Variants in RACGAP1 observed in about 807,000 individuals in gnomAD.
RACGAP1 encodes the protein Rac GTPase activating protein 1, also known as rac GTPase-activating protein 1.
A neutral mutation model predicts 78.1 loss-of-function variants in RACGAP1; 30 were observed. The observed-to-expected ratio is 0.38, with a 90% CI of 0.29 to 0.52. The LOEUF (loss-of-function observed/expected upper bound fraction) is 0.52, where lower values mean the gene tolerates loss of function less well. RACGAP1 is among the 20% of genes least tolerant of loss of function. RACGAP1 has a pLI of 0.82. For missense variants in RACGAP1, 587 were observed against 777.1 expected (o/e 0.76, Z 2.91); for synonymous variants, 231 against 264.8 (o/e 0.87, Z 1.24).
At chr12:50,031,609 C>A in intron 2 of RACGAP1, 1 of 863,964 alleles carries the variant, frequency 1.2e-6, no homozygotes, top group Non-Finnish European at 1.4e-6. Flanking sequence ...CCATTTCCAC[C>A]TGGGGCCTTC....
At chr12:50,018,552 T>G in intron 1 of RACGAP1, 1 of 1,288,874 alleles carries the variant, frequency 7.8e-7, no homozygotes, top group Non-Finnish European at 1.0e-6. Flanking sequence ...GGCAGGACAT[T>G]GGGTAGTCAA....
At chr12:49,990,413 A>C in intron 16 of RACGAP1, 70 bp from the exon 17 acceptor site, 1 of 1,319,250 alleles carries the variant, frequency 7.6e-7, no homozygotes, top group Non-Finnish European at 1.1e-6. Context: ...CTATAATATT[A>C]CTTGATATAA....
In RACGAP1 at chr12:49,992,258, T is replaced by C; in HGVS notation, c.1565A>G (p.Lys522Arg). 1 of 1,614,166 alleles carries C rather than the reference T, an allele frequency of 6.2e-7. No individual in the cohort carries two copies. ...PDPVTMLQDI[K>R]RQPKVVERLL... The stretch of plus-strand genomic sequence containing the variant: ...GCACCTGCCTACCTTGGGTTGACGC[T>C]TGATGTCCTGTAACATTGTCACTGG... The change falls in exon 14 of 17, where the codon AAG becomes AGG. Residue 522 changes from lysine (K) to arginine (R), a missense_variant. Transcript: ENST00000312377.
At chr12:50,019,491 T>G (rs912272247) in intron 1 of RACGAP1, among the ~76,000 whole-genome samples, 1 of 152,208 alleles carries the variant, frequency 6.6e-6, no homozygotes, top group Non-Finnish European at 1.5e-5. Context: ...TCAAAAGAAT[T>G]TCCATTCTAC....
chr12:50,010,558 A>C (rs1363386078), intron 2 of RACGAP1, among the ~76,000 whole-genome samples: 1 of 151,872 alleles, frequency 6.6e-6, no homozygotes, highest in African/African-American at 2.4e-5. Context: ...CTCCTGACCA[A>C]GTGATCCACC....
chr12:49,999,811 T>A, intron 7 of RACGAP1, 78 bp from the exon 8 acceptor site: 1 of 1,199,954 alleles, frequency 8.3e-7, no homozygotes, highest in Non-Finnish European at 1.2e-6. Context: ...TTGGAGCAGG[T>A]AAAAAATTCC....
At chr12:50,017,663 T>G (rs1211111867) in intron 1 of RACGAP1, among the ~76,000 whole-genome samples, 1 of 152,176 alleles carries the variant, frequency 6.6e-6, no homozygotes, top group Non-Finnish European at 1.5e-5. Flanking sequence ...TATTAGAAAT[T>G]TAATGTCCTC....
chr12:49,996,086 C>T (rs1226035629), intron 10 of RACGAP1, among the ~76,000 whole-genome samples: 1 of 151,988 alleles, frequency 6.6e-6, no homozygotes, highest in South Asian at 2.1e-4. Context: ...CCGAGGCAGG[C>T]GGATCACTTG....
rs774785269 is a variant in RACGAP1 at position 49,990,644 on chromosome 12, T to C, written c.1823+40A>G. On this transcript the variant is annotated intron_variant, in intron 16 of 16. Coordinates refer to ENST00000312377, the MANE Select transcript of RACGAP1 (RefSeq NM_001319999.2). ...CAATATAATAAGAAGTCTAAGAAAG[T>C]AGTTGTTTTTTATTTCCTAGGAAGG... 2.8e-6 allele frequency: 4 copies of C among 1,442,272 alleles called. No individual in the cohort carries two copies. The East Asian group carries it at 6.8e-5, about 25-fold the overall frequency. The allele number at this position is 1,442,272 out of a possible 1,614,324, so 89.3% of individuals were successfully genotyped here. A position where few individuals can be genotyped will look rare whatever the true frequency, so the allele number is the denominator to read the frequency against.
chr12:49,991,863 T>C, intron 15 of RACGAP1, 135 bp downstream of exon 15: 2 of 1,509,638 alleles, frequency 1.3e-6, no homozygotes, highest in Non-Finnish European at 8.8e-7. Context: ...CAAAAAAAAA[T>C]TACGATGGTA....
chr12:50,004,745 T>C (rs1448017403), intron 4 of RACGAP1, among the ~76,000 whole-genome samples: 1 of 152,122 alleles, frequency 6.6e-6, no homozygotes, highest in Non-Finnish European at 1.5e-5. Flanking sequence ...AGATTCCCCA[T>C]AAAACAACCA....
chr12:49,991,434 A>T (rs1169265932), intron 15 of RACGAP1, among the ~76,000 whole-genome samples: 1 of 127,442 alleles, frequency 7.8e-6, no homozygotes. Flanking sequence ...TAAGTGAAAT[A>T]AGAATGAATT....
At chr12:49,993,193 A>G (rs1948011022) in intron 12 of RACGAP1, among the ~76,000 whole-genome samples, 1 of 152,206 alleles carries the variant, frequency 6.6e-6, no homozygotes, top group South Asian at 2.1e-4. Context: ...GGGACAAGGT[A>G]TATGAAGAGA....
intron 9 of RACGAP1, among the ~76,000 whole-genome samples, chr12:49,998,385 C>T (rs1948446764): frequency 6.6e-6 from 1 of 151,640 alleles, no homozygotes; most frequent in Admixed American, 6.6e-5. Flanking sequence ...GCCTGGGCAA[C>T]AGAGTGAGAC....
At chr12:50,015,330 C>A (rs751056117) in intron 2 of RACGAP1, among the ~76,000 whole-genome samples, 1 of 152,102 alleles carries the variant, frequency 6.6e-6, no homozygotes, top group Non-Finnish European at 1.5e-5. Context: ...TATTTAGCAT[C>A]AAATATATGA....
intron 1 of RACGAP1, among the ~76,000 whole-genome samples, chr12:50,023,938 G>A (rs1950140205): frequency 6.6e-6 from 1 of 151,884 alleles, no homozygotes; most frequent in African/African-American, 2.4e-5. Context: ...GAGGTGGGCA[G>A]ATCAGGAGGT....
intron 1 of RACGAP1, among the ~76,000 whole-genome samples, chr12:50,021,515 C>T (rs569553792): frequency 1.4e-4 from 21 of 152,282 alleles, no homozygotes; most frequent in African/African-American, 5.1e-4. Context: ...AATCACCCAG[C>T]CAAGAGGTAG....
At chr12:50,009,226 G>C (rs989583171) in intron 2 of RACGAP1, among the ~76,000 whole-genome samples, 1 of 133,676 alleles carries the variant, frequency 7.5e-6, no homozygotes, top group Non-Finnish European at 1.5e-5. Context: ...CTGGGCAACA[G>C]AGTGAGATGC....
chr12:50,021,077 T>C (rs1370903240), intron 1 of RACGAP1: 1 of 978,324 alleles, frequency 1.0e-6, no homozygotes, highest in African/African-American at 1.8e-5. Flanking sequence ...TCAACGTCAA[T>C]TGAAAATAGT....
Sources: gnomAD v4.1 joint callset for allele counts (sites outside exome capture counted in the v4.1 genomes callset) on GRCh38, gnomAD v4.1.1 for gene constraint, MANE v1.5 for transcripts, NCBI Gene and HGNC (gene_info 2026-07-23, HGNC 2026-07-21) for gene names.